Variants in ANO3 observed in about 807,000 individuals in gnomAD.
The protein encoded by ANO3 is anoctamin 3.
In ANO3, 99 loss-of-function variants were observed where a neutral mutation model predicts 144.8. The observed-to-expected ratio is 0.68, with a 90% CI of 0.58 to 0.81. The LOEUF (loss-of-function observed/expected upper bound fraction) is 0.81. Ranked by LOEUF, ANO3 falls within the 30% of genes least tolerant of loss-of-function variation. ANO3 has a pLI of 0.00. For synonymous variants in ANO3, 414 were observed against 392.6 expected, an observed-to-expected ratio of 1.05 and a Z score of -0.64; for missense variants, 905 against 1,202.2, an observed-to-expected ratio of 0.75 and a Z score of 3.66.
intron 4 of ANO3, among the ~76,000 whole-genome samples, chr11:26,477,599 C>G (rs886504964): frequency 1.3e-5 from 2 of 152,124 alleles, no homozygotes; most frequent in African/African-American, 2.4e-5. Context: ...CTAAATTACT[C>G]TCTTAACGGA....
chr11:26,457,766 C>A (rs1859224335), intron 3 of ANO3, among the ~76,000 whole-genome samples: 1 of 152,192 alleles, frequency 6.6e-6, no homozygotes, highest in African/African-American at 2.4e-5. Context: ...TTTTATTGAG[C>A]TTTGAGACTG....
At chr11:26,463,532 C>T (rs1359992195) in intron 4 of ANO3, among the ~76,000 whole-genome samples, 3 of 151,326 alleles carry the variant, frequency 2.0e-5, no homozygotes, top group African/African-American at 7.3e-5. Flanking sequence ...GCTAATTAAA[C>T]TCACTGAGAA....
intron 1 of ANO3, among the ~76,000 whole-genome samples, chr11:26,300,510 C>T (rs1326844225): frequency 6.6e-6 from 1 of 152,096 alleles, no homozygotes; most frequent in Non-Finnish European, 1.5e-5. Context: ...ACTAAATAAC[C>T]AAGTATGTAA....
chr11:26,269,400 C>T (rs1853390009), intron 1 of ANO3, among the ~76,000 whole-genome samples: 1 of 152,154 alleles, frequency 6.6e-6, no homozygotes, highest in Non-Finnish European at 1.5e-5. Flanking sequence ...TAGCTTCTCC[C>T]CCTCTTACTT....
intron 1 of ANO3, among the ~76,000 whole-genome samples, chr11:26,199,683 G>A (rs1327459986): frequency 6.6e-6 from 1 of 152,150 alleles, no homozygotes; most frequent in Non-Finnish European, 1.5e-5. Flanking sequence ...AAATGCCCAT[G>A]GATTTTTATC....
At chr11:26,439,313 A>C (rs1489940485) in intron 1 of ANO3, among the ~76,000 whole-genome samples, 1 of 152,242 alleles carries the variant, frequency 6.6e-6, no homozygotes, top group East Asian at 1.9e-4. Flanking sequence ...AAAGAAAAAA[A>C]ATAGATAAAT....
At chr11:26,300,846 CTTTTTTTTCT>C (rs1371877077) in intron 1 of ANO3, among the ~76,000 whole-genome samples, 2 of 141,320 alleles carry the variant, frequency 1.4e-5, no homozygotes, top group Non-Finnish European at 3.0e-5. Context: ...TTATTTCTTT[CTTTTTTTTCT>C]TTTTTTTTTT....
At chr11:26,208,561 A>G (rs368551314) in intron 1 of ANO3, among the ~76,000 whole-genome samples, 1 of 152,020 alleles carries the variant, frequency 6.6e-6, no homozygotes, top group Admixed American at 6.6e-5. Flanking sequence ...TTCAGACCAT[A>G]GCAAATATCA....
chr11:26,446,196 GAAATC>G (rs528316922), intron 3 of ANO3, among the ~76,000 whole-genome samples: 126 of 152,268 alleles, frequency 8.3e-4, no homozygotes, highest in African/African-American at 2.8e-3. Context: ...TCTTTGAAAA[GAAATC>G]AAGTAAAATA....
At chr11:26,202,245 ATAT>A (rs1469751436) in intron 1 of ANO3, among the ~76,000 whole-genome samples, 4 of 145,932 alleles carry the variant, frequency 2.7e-5, no homozygotes, top group Non-Finnish European at 4.5e-5. Flanking sequence ...ATATAAATAT[ATAT>A]TATATTATAT....
chr11:26,340,056 A>G (rs1590274013), intron 1 of ANO3, among the ~76,000 whole-genome samples: 2 of 152,192 alleles, frequency 1.3e-5, no homozygotes, highest in Non-Finnish European at 2.9e-5. Context: ...ATTGCCTGAA[A>G]GTTACGTTAC....
At chr11:26,324,322 T>C (rs1044697238) in intron 1 of ANO3, among the ~76,000 whole-genome samples, 2 of 152,164 alleles carry the variant, frequency 1.3e-5, no homozygotes, top group African/African-American at 4.8e-5. Context: ...TCAGCTGACC[T>C]TGAGACTGTG....
chr11:26,515,667 A>G (rs1007086356), intron 5 of ANO3, among the ~76,000 whole-genome samples: 1 of 151,990 alleles, frequency 6.6e-6, no homozygotes, highest in Non-Finnish European at 1.5e-5. Flanking sequence ...ATTAAATTCA[A>G]TAATTCTACC....
chr11:26,590,605 A>G (rs140861124), intron 14 of ANO3, among the ~76,000 whole-genome samples: 20,591 of 152,236 alleles, frequency 0.14, 1,799 homozygotes, highest in Middle Eastern at 0.26. Flanking sequence ...CTATAGCTCT[A>G]TTAGAAGCCG....
chr11:26,251,307 C>G (rs1852922481), intron 1 of ANO3, among the ~76,000 whole-genome samples: 1 of 152,152 alleles, frequency 6.6e-6, no homozygotes, highest in Non-Finnish European at 1.5e-5. Context: ...CGCCCAGACT[C>G]TGGATCAAAG....
intron 1 of ANO3, among the ~76,000 whole-genome samples, chr11:26,344,028 C>G (rs758663190): frequency 6.6e-6 from 1 of 152,126 alleles, no homozygotes; most frequent in Admixed American, 6.5e-5. Context: ...AAAATCATAA[C>G]GTACCTTTAA....
chr11:26,541,228 A>T (rs781227028), intron 10 of ANO3, among the ~76,000 whole-genome samples: 3 of 152,136 alleles, frequency 2.0e-5, no homozygotes, highest in Non-Finnish European at 4.4e-5. Context: ...TCTCACTCAT[A>T]ACTGGGAGTT....
At chr11:26,278,431 A>C (rs1051925083) in intron 1 of ANO3, among the ~76,000 whole-genome samples, 1 of 152,164 alleles carries the variant, frequency 6.6e-6, no homozygotes, top group Non-Finnish European at 1.5e-5. Flanking sequence ...GACTCATTAC[A>C]GAATATTTTG....
chr11:26,506,953 C>G (rs1861457851), intron 4 of ANO3, among the ~76,000 whole-genome samples: 1 of 152,094 alleles, frequency 6.6e-6, no homozygotes, highest in African/African-American at 2.4e-5. Context: ...TAATATCTCC[C>G]CAGACATTGG....
Sources: allele counts gnomAD v4.1 joint callset (sites outside exome capture counted in the v4.1 genomes callset), GRCh38; gene constraint gnomAD v4.1.1; transcripts MANE v1.5; gene names NCBI Gene and HGNC (gene_info 2026-07-23, HGNC 2026-07-21).